BAZ1A: variants seen among roughly 807,000 people sequenced by gnomAD.
BAZ1A encodes bromodomain adjacent to zinc finger domain 1A.
Under a neutral mutation model 185.2 loss-of-function variants are expected in BAZ1A, and 50 were observed. That is an observed-to-expected ratio of 0.27 (90% CI 0.22 to 0.34). The LOEUF is 0.34. BAZ1A is among the 10% of genes least tolerant of loss of function. The pLI is 1.00. For synonymous variants in BAZ1A, 571 were observed against 615.6 expected, an observed-to-expected ratio of 0.93 and a Z score of 1.07; for missense variants, 1,356 against 1,839.9, an observed-to-expected ratio of 0.74 and a Z score of 4.81.
chr14:34,786,377 C>T (rs558410755), intron 12 of BAZ1A, 156 bp from the exon 13 acceptor site: 23 of 609,368 alleles, frequency 3.8e-5, no homozygotes, highest in Non-Finnish European at 6.2e-5. Context: ...CATTCTGCTT[C>T]ATCACCACCT....
intron 3 of BAZ1A, among the ~76,000 whole-genome samples, chr14:34,835,013 C>A (rs2042306142): frequency 6.7e-6 from 1 of 150,248 alleles, no homozygotes; most frequent in African/African-American, 2.5e-5. Context: ...TATCAATCAA[C>A]TCCATAAGTT....
At chr14:34,776,548 A>G (rs779428807) in intron 17 of BAZ1A, 33 bp from the exon 18 acceptor site, 2 of 1,507,822 alleles carry the variant, frequency 1.3e-6, no homozygotes, top group Non-Finnish European at 8.9e-7. Context: ...CATCATCATC[A>G]TATTTCAAGT....
chr14:34,870,528 T>C lies in BAZ1A; in HGVS notation c.113+3964A>G, dbSNP rs1470081247. On this transcript the variant is annotated intron_variant, in intron 2 of 26. Transcript: ENST00000360310. Reference sequence around the variant, plus strand: ...AATTGATGATGTTCTGATATGTCCATTGAATACCTAGAGCTTAATCACTTG... The same window carrying C: ...AATTGATGATGTTCTGATATGTCCACTGAATACCTAGAGCTTAATCACTTG... Among the ~76,000 whole-genome samples the C allele has an allele frequency of 2.6e-5, 4 of 152,228 alleles. No homozygotes were observed. The East Asian group carries it at 5.8e-4, about 22-fold the overall frequency.
At chr14:34,834,777 T>C (rs1053640226) in intron 3 of BAZ1A, among the ~76,000 whole-genome samples, 2 of 152,140 alleles carry the variant, frequency 1.3e-5, no homozygotes, top group East Asian at 3.9e-4. Context: ...CTACCATTTC[T>C]TGATTCTAGG....
At chr14:34,835,068 TC>T (rs1180482783) in intron 3 of BAZ1A, among the ~76,000 whole-genome samples, 2 of 151,758 alleles carry the variant, frequency 1.3e-5, no homozygotes, top group Admixed American at 6.6e-5. Flanking sequence ...TTTTTTTTTT[TC>T]CTTTTTTCCT....
chr14:34,875,243 C>G lies in BAZ1A; in HGVS notation c.-164G>C. ...GCCTCTCTCCGGCCCCGCCGCGCCC[C>G]TGGCTGCCGCTTCTCCCGCTGCCAC... On this transcript the variant is annotated 5_prime_UTR_variant, in exon 1 of 27. Coordinates refer to ENST00000360310, the MANE Select transcript of BAZ1A (RefSeq NM_013448.3). 1 of 454,232 alleles carries G rather than the reference C, an allele frequency of 2.2e-6. No individual in the cohort carries two copies. The highest frequency in any genetic ancestry group is 1.6e-5 in the South Asian group (1 of 64,476). The allele number at this position is 454,232 out of a possible 1,614,324, so 28.1% of individuals were successfully genotyped here. A position where few individuals can be genotyped will look rare whatever the true frequency, so the allele number is the denominator to read the frequency against.
intron 4 of BAZ1A, among the ~76,000 whole-genome samples, chr14:34,821,985 A>C (rs1217056837): frequency 6.6e-6 from 1 of 151,542 alleles, no homozygotes; most frequent in Non-Finnish European, 1.5e-5. Flanking sequence ...ACCCCATCTC[A>C]AAATAAAAAT....
chr14:34,809,668 G>A (rs1466436501), intron 5 of BAZ1A, among the ~76,000 whole-genome samples: 1 of 151,964 alleles, frequency 6.6e-6, no homozygotes, highest in African/African-American at 2.4e-5. Context: ...TAATTCTTTG[G>A]CTTACCAATT....
chr14:34,872,080 C>T (rs987572389), intron 2 of BAZ1A, among the ~76,000 whole-genome samples: 1 of 152,102 alleles, frequency 6.6e-6, no homozygotes, highest in Non-Finnish European at 1.5e-5. Flanking sequence ...AAATTATTTC[C>T]GTTCAGTCAT....
intron 17 of BAZ1A, 84 bp from the exon 18 acceptor site, chr14:34,776,599 A>G: frequency 2.6e-6 from 3 of 1,152,320 alleles, no homozygotes; most frequent in South Asian, 1.6e-5. Flanking sequence ...ACCCCAAGTT[A>G]TTAGGTGTTA....
chr14:34,813,374 G>C (rs1195467320), intron 4 of BAZ1A, among the ~76,000 whole-genome samples: 11 of 152,100 alleles, frequency 7.2e-5, no homozygotes, highest in African/African-American at 2.7e-4. Flanking sequence ...GGGTGACAGA[G>C]CAAGACCCTG....
chr14:34,815,545 C>T, intron 4 of BAZ1A, among the ~76,000 whole-genome samples: 1 of 152,230 alleles, frequency 6.6e-6, no homozygotes, highest in Middle Eastern at 3.4e-3. Context: ...AAATATTGTA[C>T]TAATAAAATC....
intron 17 of BAZ1A, among the ~76,000 whole-genome samples, chr14:34,777,493 A>G (rs1490022947): frequency 4.0e-5 from 6 of 151,720 alleles, no homozygotes; most frequent in Non-Finnish European, 8.8e-5. Flanking sequence ...AAAATACAAA[A>G]ATTAGCTGGG....
In BAZ1A at chr14:34,839,445, G is replaced by A. The variant is rs536695089; in HGVS notation, c.393-13289C>T. Among the ~76,000 whole-genome samples, 77 of 149,840 alleles carry A rather than the reference G, an allele frequency of 5.1e-4. No individual in the cohort carries two copies. In the Middle Eastern group the frequency reaches 0.01, roughly 20 times the overall value. On this transcript the variant is annotated intron_variant, in intron 3 of 26. Transcript: ENST00000360310. ...TCCCAGTTACTTAGGAGGCTGAGGC[G>A]AGAGGATGGCTTTAGCCCAGAAGGT...
Position 34,874,634 on chromosome 14 carries a change from C to A in BAZ1A, c.-30G>T, listed in dbSNP as rs373190794. 1.6e-4 allele frequency: 255 copies of A among 1,553,526 alleles called. No homozygotes were observed. The highest frequency in any genetic ancestry group is 2.0e-4 in the Non-Finnish European group (231 of 1,140,944). On this transcript the variant is annotated 5_prime_UTR_variant, in exon 2 of 27. Coordinates refer to ENST00000360310, the MANE Select transcript of BAZ1A (RefSeq NM_013448.3). This position sits in a 1 kb window ranked among gnomAD's most constrained non-coding sequence, Gnocchi z 4.7. Reference sequence around the variant, plus strand: ...CGTCCGCCCGCGGGCTCGCCTGGACCCTCGGCCGCCCGCGCCGGCCCCGCT... The same window carrying A: ...CGTCCGCCCGCGGGCTCGCCTGGACACTCGGCCGCCCGCGCCGGCCCCGCT...
intron 3 of BAZ1A, among the ~76,000 whole-genome samples, chr14:34,843,599 T>C (rs1257739256): frequency 6.6e-6 from 1 of 152,142 alleles, no homozygotes; most frequent in Non-Finnish European, 1.5e-5. Flanking sequence ...AAGAGTAATG[T>C]TTACTGATTT....
intron 4 of BAZ1A, 47 bp downstream of exon 4, chr14:34,825,966 A>G (rs769895112): frequency 1.6e-5 from 23 of 1,480,896 alleles, no homozygotes; most frequent in Non-Finnish European, 2.1e-5. Context: ...ATGGAATATC[A>G]TTAGGCAATC....
chr14:34,824,408 C>CAAAAAAAAAAAA, intron 4 of BAZ1A, among the ~76,000 whole-genome samples: 1 of 65,772 alleles, frequency 1.5e-5, no homozygotes, highest in Non-Finnish European at 2.5e-5. Flanking sequence ...AGCAGCAACT[C>CAAAAAAAAAAAA]AAAAAAAAAA....
At chr14:34,868,704 G>T (rs2042900960) in intron 2 of BAZ1A, among the ~76,000 whole-genome samples, 1 of 151,998 alleles carries the variant, frequency 6.6e-6, no homozygotes, top group Non-Finnish European at 1.5e-5. Flanking sequence ...GGGACGCTGA[G>T]GTGGGAGAAT....
Sources: gnomAD v4.1 joint callset for allele counts (sites outside exome capture counted in the v4.1 genomes callset) on GRCh38, gnomAD v4.1.1 for gene constraint, Gnocchi (gnomAD v3.1) non-coding constraint, MANE v1.5 for transcripts, NCBI Gene and HGNC (gene_info 2026-07-23, HGNC 2026-07-21) for gene names.